Variants in TMEM232 observed in about 807,000 individuals in gnomAD.
TMEM232 encodes transmembrane protein 232.
TMEM232 carries 80 observed loss-of-function variants against 78.8 expected under a neutral mutation model. The ratio of observed to expected loss-of-function variants is 1.01; its 90% CI spans 0.85 to 1.22. TMEM232 has a LOEUF of 1.22. Among genes scored for constraint, TMEM232 ranks in the 50% most tolerant of loss-of-function variants. The pLI is 0.00. For synonymous variants in TMEM232, 297 were observed against 254.3 expected, an observed-to-expected ratio of 1.17 and a Z score of -1.60; for missense variants, 881 against 742.2, an observed-to-expected ratio of 1.19 and a Z score of -2.17.
At chr5:110,612,023 CTGACTGGGGGAAAAATTAGT>C (rs1305326719) in intron 8 of TMEM232, among the ~76,000 whole-genome samples, 1 of 152,140 alleles carries the variant, frequency 6.6e-6, no homozygotes, top group Non-Finnish European at 1.5e-5. Flanking sequence ...AGGCAGGAGC[CTGACTGGGGGAAAAATTAGT>C]TCAAATATGA....
At chr5:110,637,418 T>G (rs1022380257) in intron 5 of TMEM232, among the ~76,000 whole-genome samples, 1 of 151,856 alleles carries the variant, frequency 6.6e-6, no homozygotes, top group African/African-American at 2.4e-5. Context: ...ATGACTGAAA[T>G]GTGGTTGTCT....
chr5:110,518,047 T>G (rs2149490879), intron 12 of TMEM232, among the ~76,000 whole-genome samples: 1 of 152,278 alleles, frequency 6.6e-6, no homozygotes, highest in South Asian at 2.1e-4. Context: ...TTTCCTTTTG[T>G]TATCTTTCAA....
chr5:110,725,733 T>G (rs567763659), intron 1 of TMEM232: 1 of 152,202 alleles, frequency 6.6e-6, no homozygotes, highest in Non-Finnish European at 1.5e-5. Context: ...CCCAGATTTC[T>G]TTTTTTAGTT....
intron 13 of TMEM232, 61 bp downstream of exon 13, chr5:110,424,762 C>A: frequency 1.6e-6 from 2 of 1,283,946 alleles, no homozygotes; most frequent in South Asian, 2.7e-5. Context: ...TACATTTTAT[C>A]ATTTAAAGTG....
At chr5:110,541,387 T>C (rs1212567872) in intron 11 of TMEM232, among the ~76,000 whole-genome samples, 1 of 152,176 alleles carries the variant, frequency 6.6e-6, no homozygotes, top group Non-Finnish European at 1.5e-5. Context: ...TTGTTAGTGC[T>C]AATAGATAAC....
At chr5:110,623,018 A>G (rs2149920231) in intron 7 of TMEM232, among the ~76,000 whole-genome samples, 1 of 151,844 alleles carries the variant, frequency 6.6e-6, no homozygotes, top group Non-Finnish European at 1.5e-5. Context: ...AAATAAATAA[A>G]TAAAAAGAAA....
At chr5:110,456,735 G>A (rs1455929489) in intron 12 of TMEM232, among the ~76,000 whole-genome samples, 4 of 152,062 alleles carry the variant, frequency 2.6e-5, no homozygotes, top group South Asian at 2.1e-4. Context: ...ACAGTCAACT[G>A]CATTTTGACA....
chr5:110,657,018 G>T (rs138230065), intron 2 of TMEM232, among the ~76,000 whole-genome samples: 1,783 of 152,178 alleles, frequency 0.012, 46 homozygotes, highest in African/African-American at 0.04. Flanking sequence ...ATTGGGGTAA[G>T]TGCCATATCC....
chr5:110,578,201 C>A (rs533711957), intron 10 of TMEM232, among the ~76,000 whole-genome samples: 7 of 151,914 alleles, frequency 4.6e-5, no homozygotes, highest in Non-Finnish European at 1.0e-4. Context: ...AGACTTCTGA[C>A]TTTTGGATTT....
chr5:110,539,879 C>T (rs1772877786), intron 11 of TMEM232, among the ~76,000 whole-genome samples: 1 of 152,158 alleles, frequency 6.6e-6, no homozygotes, highest in African/African-American at 2.4e-5. Context: ...GCAAATATCC[C>T]CAGAACGAGT....
At chr5:110,677,051 G>A (rs146432732) in intron 1 of TMEM232, among the ~76,000 whole-genome samples, 2,385 of 152,148 alleles carry the variant, frequency 0.016, 63 homozygotes, top group African/African-American at 0.055. Flanking sequence ...GTGAGCCACC[G>A]CGCCCTGCCT....
chr5:110,404,572 GA>G (rs1362122318), intron 2 of TMEM232, among the ~76,000 whole-genome samples: 1 of 152,078 alleles, frequency 6.6e-6, no homozygotes, highest in African/African-American at 2.4e-5. Flanking sequence ...ATAAAACCAT[GA>G]ATAGAAATTT....
rs770181949 is a variant in TMEM232, at chr5:110,420,781, C to T, written c.1798-25G>A. 295 of 1,486,504 alleles carry T rather than the reference C, an allele frequency of 2.0e-4. 2 individuals are homozygous for T. The Middle Eastern group carries it at 3.2e-3, about 16-fold the overall frequency. 92.1% of individuals were successfully genotyped at this position (1,486,504 alleles called of 1,614,324 possible). A position where few individuals can be genotyped will look rare whatever the true frequency, so the allele number is the denominator to read the frequency against. ...ACTGTTACAGAGAGAAAACGTCATT[C>T]ACATGATTTTCCATGAAAAAATGCA... On this transcript the variant is annotated intron_variant, in intron 13 of 13. Transcript: ENST00000455884.
chr5:110,653,476 T>C (rs1414670286), intron 2 of TMEM232, among the ~76,000 whole-genome samples: 6 of 152,222 alleles, frequency 3.9e-5, no homozygotes, highest in Non-Finnish European at 8.8e-5. Flanking sequence ...TAGCATGTGA[T>C]CCTTGAAGCC....
upstream of TMEM232, among the ~76,000 whole-genome samples, chr5:110,726,987 T>C (rs1025282843): frequency 1.3e-5 from 2 of 152,160 alleles, no homozygotes; most frequent in African/African-American, 4.8e-5. Flanking sequence ...AGCACGCCTA[T>C]CATACCAAAA....
intron 1 of TMEM232, among the ~76,000 whole-genome samples, chr5:110,691,982 G>A (rs753261560): frequency 5.3e-5 from 8 of 152,178 alleles, no homozygotes; most frequent in Admixed American, 2.6e-4. Flanking sequence ...GTGCAGTGGC[G>A]TGATCTCGGC....
At chr5:110,620,658 T>C (rs574314097) in intron 7 of TMEM232, among the ~76,000 whole-genome samples, 112 of 123,046 alleles carry the variant, frequency 9.1e-4, no homozygotes, top group Non-Finnish European at 1.5e-3. Context: ...TCTCTCTCTC[T>C]CCTCCTCTCT....
At chr5:110,522,773 T>A (rs1232339450) in intron 12 of TMEM232, among the ~76,000 whole-genome samples, 1 of 152,184 alleles carries the variant, frequency 6.6e-6, no homozygotes, top group African/African-American at 2.4e-5. Flanking sequence ...ACCCCTTTAG[T>A]CATGATGTAT....
intron 12 of TMEM232, among the ~76,000 whole-genome samples, chr5:110,505,415 C>T (rs1766757560): frequency 1.3e-5 from 2 of 152,210 alleles, no homozygotes; most frequent in African/African-American, 4.8e-5. Flanking sequence ...GCAACACCAT[C>T]TGCTACCTGA....
Sources: gnomAD v4.1 joint callset for allele counts (sites outside exome capture counted in the v4.1 genomes callset) on GRCh38, gnomAD v4.1.1 for gene constraint, MANE v1.5 for transcripts, NCBI Gene and HGNC (gene_info 2026-07-23, HGNC 2026-07-21) for gene names.